Variants in ADK observed in about 807,000 individuals in gnomAD.
ADK encodes N6,N6-dimethyladenosine kinase.
In ADK, 24 loss-of-function variants were observed where a neutral mutation model predicts 44.7. The ratio of observed to expected loss-of-function variants is 0.54; its 90% confidence interval spans 0.39 to 0.76. ADK has a LOEUF of 0.76. ADK is among the 30% of genes least tolerant of loss of function. The pLI is 0.00. For synonymous variants in ADK, 128 were observed against 142.6 expected, an observed-to-expected ratio of 0.90 and a Z score of 0.73; for missense variants, 321 against 425.1, an observed-to-expected ratio of 0.76 and a Z score of 2.15.
chr10:74,697,082 T>C (rs1856236104), intron 10 of ADK, among the ~76,000 whole-genome samples: 1 of 152,168 alleles, frequency 6.6e-6, no homozygotes, highest in South Asian at 2.1e-4. Flanking sequence ...TTCCAAAAAC[T>C]TTAAAATGTT....
chr10:74,395,351 G>A (rs971023835), intron 5 of ADK, among the ~76,000 whole-genome samples: 1 of 151,988 alleles, frequency 6.6e-6, no homozygotes, highest in Admixed American at 6.6e-5. Context: ...TTAAGGAATG[G>A]ACTATTCTAG....
intron 6 of ADK, among the ~76,000 whole-genome samples, chr10:74,495,341 C>A (rs540429111): frequency 1.3e-4 from 20 of 149,788 alleles, no homozygotes; most frequent in African/African-American, 4.7e-4. Context: ...TTTGCATACT[C>A]TTCTCAAGTG....
chr10:74,514,052 CT>C (rs1848461201), intron 6 of ADK, among the ~76,000 whole-genome samples: 1 of 152,036 alleles, frequency 6.6e-6, no homozygotes, highest in African/African-American at 2.4e-5. Context: ...TTTATTTGTC[CT>C]TTATTTCTGA....
intron 4 of ADK, among the ~76,000 whole-genome samples, chr10:74,380,330 A>G (rs1842940431): frequency 6.6e-6 from 1 of 152,324 alleles, no homozygotes; most frequent in African/African-American, 2.4e-5. Flanking sequence ...AAATCATTAT[A>G]TGCTGAAGTA....
chr10:74,502,754 G>A (rs1432191713), intron 6 of ADK, among the ~76,000 whole-genome samples: 1 of 152,118 alleles, frequency 6.6e-6, no homozygotes. Context: ...ATAGAAAGCA[G>A]CAGCAATTAA....
intron 9 of ADK, among the ~76,000 whole-genome samples, chr10:74,666,912 C>A (rs886650811): frequency 6.7e-6 from 1 of 150,262 alleles, no homozygotes; most frequent in Non-Finnish European, 1.5e-5. Context: ...CTCACTGCAA[C>A]CTCCGCCTCC....
chr10:74,182,377 T>TTTAG (rs1015072261), intron 1 of ADK, among the ~76,000 whole-genome samples: 1 of 151,678 alleles, frequency 6.6e-6, no homozygotes, highest in Non-Finnish European at 1.5e-5. Flanking sequence ...TATTTATTTA[T>TTTAG]TTATTTTTGA....
intron 1 of ADK, among the ~76,000 whole-genome samples, chr10:74,188,707 T>C (rs952094822): frequency 4.6e-5 from 7 of 152,122 alleles, no homozygotes; most frequent in Non-Finnish European, 1.5e-5. Context: ...CTTTTTTGAG[T>C]TAGAAGTTTA....
chr10:74,556,330 A>C (rs1850245817), intron 7 of ADK, among the ~76,000 whole-genome samples: 1 of 152,342 alleles, frequency 6.6e-6, no homozygotes, highest in African/African-American at 2.4e-5. Flanking sequence ...CTACGTAAGG[A>C]CTGCATATAC....
chr10:74,209,490 G>A (rs1052576092), intron 2 of ADK, among the ~76,000 whole-genome samples: 1 of 152,158 alleles, frequency 6.6e-6, no homozygotes, highest in Non-Finnish European at 1.5e-5. Flanking sequence ...TGGTATTTTT[G>A]TTATAGCAGC....
chr10:74,655,611 A>T (rs1429602848), intron 9 of ADK: 1 of 449,152 alleles, frequency 2.2e-6, no homozygotes, highest in Non-Finnish European at 4.4e-6. Context: ...GAGGAGCTAC[A>T]AGATGAGGAG....
intron 6 of ADK, among the ~76,000 whole-genome samples, chr10:74,497,740 A>G (rs575716365): frequency 1.3e-5 from 2 of 152,194 alleles, no homozygotes; most frequent in Non-Finnish European, 2.9e-5. Flanking sequence ...CAGAGACAGG[A>G]TGGTCACTTG....
chr10:74,216,736 T>G (rs113665483), intron 2 of ADK, among the ~76,000 whole-genome samples: 2 of 100,784 alleles, frequency 2.0e-5, no homozygotes, highest in East Asian at 2.7e-4. Context: ...AAAAAAAAAA[T>G]AAAAAAAAAA....
intron 4 of ADK, among the ~76,000 whole-genome samples, chr10:74,373,581 AGCTATC>A (rs1296814720): frequency 6.6e-6 from 1 of 152,206 alleles, no homozygotes; most frequent in African/African-American, 2.4e-5. Context: ...CAACATAATT[AGCTATC>A]AGGTATATTA....
chr10:74,167,832 G>A (rs1448457369), intron 1 of ADK, among the ~76,000 whole-genome samples: 1 of 152,134 alleles, frequency 6.6e-6, no homozygotes, highest in Non-Finnish European at 1.5e-5. Context: ...AGAAAAACAT[G>A]ACTGAATTAT....
chr10:74,196,486 AC>A (rs1257583723), intron 1 of ADK, among the ~76,000 whole-genome samples: 1 of 152,096 alleles, frequency 6.6e-6, no homozygotes, highest in Non-Finnish European at 1.5e-5. Context: ...TTTGCAGTGA[AC>A]CGAGATTGCG....
intron 3 of ADK, among the ~76,000 whole-genome samples, chr10:74,246,127 G>T (rs146516499): frequency 1.3e-5 from 2 of 151,926 alleles, no homozygotes; most frequent in Non-Finnish European, 2.9e-5. Context: ...GGAGGGGGGG[G>T]TCAGGGGTCC....
At chr10:74,512,881 G>C (rs1338978637) in intron 6 of ADK, among the ~76,000 whole-genome samples, 2 of 151,320 alleles carry the variant, frequency 1.3e-5, no homozygotes, top group Admixed American at 1.3e-4. Context: ...CTTGTTTTTT[G>C]ATATAAGCAT....
At chr10:74,317,913 C>T (rs1399354360) in intron 4 of ADK, among the ~76,000 whole-genome samples, 1 of 152,074 alleles carries the variant, frequency 6.6e-6, no homozygotes, top group East Asian at 1.9e-4. Flanking sequence ...TCCCAAGTAG[C>T]TGGGACTATA....
Sources: gnomAD v4.1 joint callset for allele counts (sites outside exome capture counted in the v4.1 genomes callset) on GRCh38, gnomAD v4.1.1 for gene constraint, MANE v1.5 for transcripts, NCBI Gene and HGNC (gene_info 2026-07-23, HGNC 2026-07-21) for gene names.